Variants in NOL8 observed in about 807,000 individuals in gnomAD.
NOL8 encodes the protein nucleolar protein 8, also known as nucleolar protein Nop132.
In NOL8, 93 loss-of-function variants were observed where a neutral mutation model predicts 116.1. That is an observed-to-expected ratio of 0.80 (90% CI 0.68 to 0.95). NOL8 has a LOEUF of 0.95. NOL8 is among the 40% of genes least tolerant of loss of function. The pLI, the probability that NOL8 is intolerant of heterozygous loss-of-function variation, is 0.00. For synonymous variants in NOL8, 419 were observed against 469.0 expected, an observed-to-expected ratio of 0.89 and a Z score of 1.38; for missense variants, 1,291 against 1,382.8, an observed-to-expected ratio of 0.93 and a Z score of 1.05.
Position 92,314,305 on chromosome 9 carries a change from C to T in NOL8, c.2320G>A (p.Val774Met). ...GCATTATGCACCAGCTTCTTCTGCA[C>T]TTCTTTTGCTTTTTGCCTCGCTTCC... ...ALEARQKAKE[V>M]QKKLVHNALA... Residue 774 changes from valine (V) to methionine (M), a missense_variant, in exon 7 of 17, where the codon GTG (valine) becomes ATG (methionine). By Grantham distance (21) the Val-to-Met change is conservative. Transcript: ENST00000442668. 2 of 1,599,340 alleles carry T rather than the reference C, an allele frequency of 1.3e-6. No homozygotes were observed. The highest frequency in any genetic ancestry group is 1.3e-5 in the African/African-American group (1 of 74,426).
chr9:92,305,642 T>G (rs1283060773), intron 12 of NOL8, 111 bp downstream of exon 12: 8 of 783,476 alleles, frequency 1.0e-5, no homozygotes, highest in African/African-American at 1.8e-5. Flanking sequence ...CCCACCAATC[T>G]TAATACAGTG....
chr9:92,300,949 A>T (rs566723414), intron 13 of NOL8: 1 of 817,566 alleles, frequency 1.2e-6, no homozygotes, highest in South Asian at 5.1e-5. Context: ...TTACAGTGGG[A>T]ACTTCCAGAA....
intron 7 of NOL8, among the ~76,000 whole-genome samples, chr9:92,311,938 C>T (rs571106622): frequency 8.5e-5 from 13 of 152,160 alleles, no homozygotes; most frequent in Non-Finnish European, 1.2e-4. Flanking sequence ...AGCAAAGACA[C>T]GAAATCAACC....
At chr9:92,318,973 G>A in intron 5 of NOL8, 1 of 515,726 alleles carries the variant, frequency 1.9e-6, no homozygotes. Context: ...TGTATTCCTT[G>A]CTACCTATGT....
chr9:92,323,558 G>A (rs1840107785), intron 2 of NOL8, 55 bp from the exon 3 acceptor site: 3 of 1,425,650 alleles, frequency 2.1e-6, no homozygotes, highest in Non-Finnish European at 1.9e-6. Context: ...CTTATCCAGA[G>A]AGCAATGTAA....
At chr9:92,305,243 G>A (rs1168971353) in intron 12 of NOL8, among the ~76,000 whole-genome samples, 1 of 152,100 alleles carries the variant, frequency 6.6e-6, no homozygotes, top group Non-Finnish European at 1.5e-5. Flanking sequence ...GAAAAGAAGA[G>A]GCCATGTGAA....
intron 11 of NOL8, among the ~76,000 whole-genome samples, chr9:92,306,096 C>T (rs1460982675): frequency 4.6e-5 from 7 of 152,248 alleles, no homozygotes; most frequent in East Asian, 1.9e-4. Flanking sequence ...CAAGTTCAAG[C>T]GATTCTCCTG....
In NOL8 at chr9:92,323,176, C is replaced by G. The variant is rs1840063250; in HGVS notation, c.202+265G>C. The G allele has an allele frequency of 1.0e-5, 7 of 680,206 alleles. No homozygotes were observed. The Admixed American group carries it at 2.0e-4, about 20-fold the overall frequency. 42.1% of individuals were successfully genotyped at this position (680,206 alleles called of 1,614,324 possible). On this transcript the variant is annotated intron_variant, in intron 3 of 16. Transcript: ENST00000442668. Reference sequence around the variant, plus strand: ...GTGGGATATATGTAACAGGCAGTTTCTATGAAAGTTTGGTCCCTTGTCCAA... The same window carrying G: ...GTGGGATATATGTAACAGGCAGTTTGTATGAAAGTTTGGTCCCTTGTCCAA...
At chr9:92,302,790 T>C (rs1026713319) in intron 12 of NOL8, among the ~76,000 whole-genome samples, 2 of 152,214 alleles carry the variant, frequency 1.3e-5, no homozygotes, top group Non-Finnish European at 2.9e-5. Context: ...GGATGACATA[T>C]AACTTCTGAG....
chr9:92,316,071 G>A lies in NOL8; in HGVS notation c.554C>T (p.Thr185Ile), dbSNP rs1564235679. Residue 185 changes from threonine to isoleucine, a missense_variant, in exon 7 of 17, where the codon ACC becomes ATC. By Grantham distance (89) the Thr-to-Ile change is moderately conservative. Transcript: ENST00000442668. ...LKKIGEDFSN[T>I]IPISSLTWEL... is the part of the protein sequence containing the mutation. ...CCAAGTCAGGCTGGATATAGGAATG[G>A]TGTTTGAGAAATCCTCCCCTATCTT... The A allele has an allele frequency of 6.2e-7, 1 of 1,613,902 alleles. No homozygotes were observed. Among genetic ancestry groups the A allele is most frequent in the East Asian group, 2.2e-5 (1 of 44,880 alleles).
chr9:92,317,950 G>A (rs544206439), intron 6 of NOL8, among the ~76,000 whole-genome samples: 5 of 145,194 alleles, frequency 3.4e-5, no homozygotes, highest in Admixed American at 7.1e-5. Flanking sequence ...CAGGGGAATT[G>A]CTTGAACCCA....
In NOL8 at chr9:92,298,786, C is replaced by T. The variant is rs74612523; in HGVS notation, c.3373+98G>A. 277 of 679,938 alleles carry T rather than the reference C, an allele frequency of 4.1e-4. No individual in the cohort carries two copies. The African/African-American group carries it at 4.3e-3, about 11-fold the overall frequency. 42.1% of individuals were successfully genotyped at this position (679,938 alleles called of 1,614,324 possible). ...AGTGTGAACAAATGGGGTTAAACCA[C>T]ATGACATTACCAACGGTCAAAATTC... On this transcript the variant is annotated intron_variant, in intron 15 of 16. Transcript: ENST00000442668.
Position 92,315,398 on chromosome 9 carries a change from T to A in NOL8, c.1227A>T (p.Lys409Asn). ...AGTTTTCTCTATTTTTGAAAGAAGT[T>A]TTCTTCGTAGATTTTTCCATTTGTG... ...EFSQMEKSTK[K>N]TSFKNRENCE... Residue 409 changes from lysine (K) to asparagine (N), a missense_variant, in exon 7 of 17, where the codon AAA (lysine) becomes AAT (asparagine). Coordinates refer to ENST00000442668, the MANE Select transcript of NOL8 (RefSeq NM_017948.6). 2 of 1,594,220 alleles carry A rather than the reference T, an allele frequency of 1.3e-6. No individual in the cohort carries two copies. The highest frequency in any genetic ancestry group is 4.5e-5 in the East Asian group (2 of 44,674).
intron 2 of NOL8, among the ~76,000 whole-genome samples, 177 bp from the exon 3 acceptor site, chr9:92,323,680 C>CAA (rs373582810): frequency 7.2e-6 from 1 of 138,242 alleles, no homozygotes; most frequent in East Asian, 2.1e-4. Flanking sequence ...CAAAATATTC[C>CAA]AAAAAAAAAA....
At chr9:92,324,517 C>T (rs146806851) in intron 1 of NOL8, 38 of 164,284 alleles carry the variant, frequency 2.3e-4, no homozygotes, top group African/African-American at 8.8e-4. Flanking sequence ...AGATGTTTTT[C>T]CTTGACTCAC....
chr9:92,320,191 G>T (rs1839806533), intron 4 of NOL8: 3 of 455,892 alleles, frequency 6.6e-6, no homozygotes, highest in Non-Finnish European at 1.3e-5. Context: ...CCTTCTTCAG[G>T]CCTGGACAAC....
rs1281527284 is a variant in NOL8, at chr9:92,314,462, C to A, written c.2163G>T (p.Lys721Asn). 1 of 1,612,548 alleles carries A rather than the reference C, an allele frequency of 6.2e-7. No homozygotes were observed. The highest frequency in any genetic ancestry group is 8.5e-7 in the Non-Finnish European group (1 of 1,178,812). ...CCTTGGATGAGACCTTTGGTGATTT[C>A]TTGAGAGATGTGAGGCCGCTTGAAT... ...RSDSSGLTSL[K>N]KSPKVSSKDT... The change falls in exon 7 of 17, where the codon AAG becomes AAT. Residue 721 changes from lysine to asparagine, a missense_variant. Coordinates refer to ENST00000442668, the MANE Select transcript of NOL8 (RefSeq NM_017948.6).
rs1839354377 is a variant in NOL8, at chr9:92,315,896, T to C, written c.729A>G (p.Ile243Met). Residue 243 changes from isoleucine (I) to methionine (M), a missense_variant, in exon 7 of 17, where the codon ATA (isoleucine) becomes ATG (methionine). Physicochemically the swap from Ile to Met is conservative, Grantham distance 10. Coordinates refer to ENST00000442668, the MANE Select transcript of NOL8 (RefSeq NM_017948.6). ...LAMSTRPRRV[I>M]ERPPLTQQQA... ...GTTGCTGTGTTAAGGGTGGTCTCTC[T>C]ATTACCCTCCTGGGCCTTGTACTCA... 3 of 1,613,786 alleles carry C rather than the reference T, an allele frequency of 1.9e-6. No individual in the cohort carries two copies. In the South Asian group the frequency reaches 3.3e-5, roughly 18 times the overall value.
chr9:92,300,078 C>T, intron 13 of NOL8, 62 bp from the exon 14 acceptor site: 1 of 1,555,228 alleles, frequency 6.4e-7, no homozygotes, highest in Non-Finnish European at 8.7e-7. Context: ...TATTTCTGAA[C>T]ACATTCATTT....
Sources: gnomAD v4.1 joint callset for allele counts (sites outside exome capture counted in the v4.1 genomes callset) on GRCh38, gnomAD v4.1.1 for gene constraint, MANE v1.5 for transcripts, NCBI Gene and HGNC (gene_info 2026-07-23, HGNC 2026-07-21) for gene names.